CSMD3: variants seen among roughly 807,000 people sequenced by gnomAD.
The protein encoded by CSMD3 is CUB and sushi domain-containing protein 3.
In CSMD3, 177 loss-of-function variants were observed where a neutral mutation model predicts 435.2. That is an observed-to-expected ratio of 0.41 (90% CI 0.36 to 0.46). CSMD3 has a LOEUF of 0.46. Among genes scored for constraint, CSMD3 ranks in the 20% least tolerant of loss-of-function variants. The pLI is 0.34. For synonymous variants in CSMD3, 1,656 were observed against 1,520.5 expected (o/e 1.09, Z -2.07); for missense variants, 4,265 against 4,504.6 (o/e 0.95, Z 1.52).
intron 30 of CSMD3, among the ~76,000 whole-genome samples, chr8:112,499,744 G>A (rs1821747458): frequency 6.6e-6 from 1 of 152,118 alleles, no homozygotes; most frequent in Non-Finnish European, 1.5e-5. Context: ...TGATAAATCT[G>A]TACATATCAA....
chr8:112,985,233 T>A (rs1217175525), intron 6 of CSMD3, among the ~76,000 whole-genome samples: 1 of 152,028 alleles, frequency 6.6e-6, no homozygotes, highest in Admixed American at 6.6e-5. Flanking sequence ...ATGAGCAGAT[T>A]TTCCCTGATA....
chr8:112,947,040 A>G (rs973492282), intron 9 of CSMD3, among the ~76,000 whole-genome samples: 2 of 151,700 alleles, frequency 1.3e-5, no homozygotes, highest in African/African-American at 4.8e-5. Context: ...CATTAGCATA[A>G]ATAATTGAAA....
chr8:112,811,695 T>C (rs771677848), intron 12 of CSMD3, among the ~76,000 whole-genome samples: 4 of 152,250 alleles, frequency 2.6e-5, no homozygotes, highest in Non-Finnish European at 5.9e-5. Context: ...AGATTGCCTC[T>C]GATGCAGATC....
intron 32 of CSMD3, among the ~76,000 whole-genome samples, chr8:112,439,137 TTTTGTTTTG>T (rs1379100329): frequency 1.3e-5 from 2 of 152,174 alleles, no homozygotes; most frequent in Non-Finnish European, 2.9e-5. Context: ...TGTGATATAC[TTTTGTTTTG>T]TTTGTTTTGT....
intron 59 of CSMD3, among the ~76,000 whole-genome samples, chr8:112,271,512 A>G (rs914962315): frequency 6.6e-6 from 1 of 152,116 alleles, no homozygotes; most frequent in Admixed American, 6.5e-5. Context: ...TAAATGGAGA[A>G]AAGTACAGAA....
chr8:113,017,755 T>C (rs897686557), intron 6 of CSMD3, among the ~76,000 whole-genome samples: 7 of 152,058 alleles, frequency 4.6e-5, no homozygotes, highest in Admixed American at 3.9e-4. Context: ...CTTTTAGAAA[T>C]TGAAATTGGG....
intron 27 of CSMD3, among the ~76,000 whole-genome samples, chr8:112,541,745 A>C (rs948658843): frequency 6.6e-6 from 1 of 151,926 alleles, no homozygotes; most frequent in Non-Finnish European, 1.5e-5. Context: ...AAAACAAAAC[A>C]AAACCAAAAA....
chr8:112,764,355 C>A (rs1229792776), intron 13 of CSMD3, among the ~76,000 whole-genome samples: 13 of 149,766 alleles, frequency 8.7e-5, no homozygotes, highest in African/African-American at 2.0e-4. Context: ...AAAATTAGAA[C>A]AAAGTAAAGA....
At chr8:113,138,300 T>TA (rs1033691180) in intron 4 of CSMD3, among the ~76,000 whole-genome samples, 1 of 151,478 alleles carries the variant, frequency 6.6e-6, no homozygotes, top group East Asian at 1.9e-4. Flanking sequence ...TAGTTGTAAC[T>TA]AAAAAAATTG....
At chr8:112,793,047 T>C (rs2078730058) in intron 13 of CSMD3, among the ~76,000 whole-genome samples, 1 of 151,056 alleles carries the variant, frequency 6.6e-6, no homozygotes, top group Non-Finnish European at 1.5e-5. Context: ...TTAATTTTTC[T>C]CATGATTTGA....
intron 1 of CSMD3, among the ~76,000 whole-genome samples, chr8:113,390,181 T>C (rs1436884393): frequency 6.6e-6 from 1 of 151,830 alleles, no homozygotes; most frequent in Admixed American, 6.6e-5. Flanking sequence ...TTTGAGACAA[T>C]ACATGAGGTG....
chr8:113,315,907 C>T (rs973467552), intron 1 of CSMD3, among the ~76,000 whole-genome samples: 4 of 151,582 alleles, frequency 2.6e-5, no homozygotes, highest in African/African-American at 7.3e-5. Flanking sequence ...GTAGTTGAGA[C>T]GGGGTTTCAC....
intron 3 of CSMD3, among the ~76,000 whole-genome samples, chr8:113,254,081 AC>A (rs1253693151): frequency 6.6e-6 from 1 of 152,172 alleles, no homozygotes; most frequent in Non-Finnish European, 1.5e-5. Flanking sequence ...TATTTAGAAC[AC>A]AAAAATATTT....
intron 1 of CSMD3, among the ~76,000 whole-genome samples, chr8:113,422,103 C>T (rs547538913): frequency 1.8e-4 from 28 of 152,268 alleles, no homozygotes; most frequent in African/African-American, 4.1e-4. Flanking sequence ...CTGCCACTGT[C>T]CCCCTTCTCA....
intron 64 of CSMD3, among the ~76,000 whole-genome samples, chr8:112,245,048 C>T (rs1331872374): frequency 6.6e-6 from 1 of 151,860 alleles, no homozygotes; most frequent in African/African-American, 2.4e-5. Flanking sequence ...AATCTATTTT[C>T]TATTGTTAAA....
chr8:112,993,495 C>T (rs752816306), intron 6 of CSMD3, among the ~76,000 whole-genome samples: 6 of 151,764 alleles, frequency 4.0e-5, no homozygotes, highest in Admixed American at 6.6e-5. Flanking sequence ...ATGAGAGACA[C>T]GCATTTCTTG....
chr8:113,226,463 T>C (rs2093030183), intron 3 of CSMD3, among the ~76,000 whole-genome samples: 1 of 151,548 alleles, frequency 6.6e-6, no homozygotes, highest in Non-Finnish European at 1.5e-5. Context: ...AGATGGCATG[T>C]ATGAGTATGT....
At chr8:112,670,238 C>T (rs2075625165) in intron 16 of CSMD3, among the ~76,000 whole-genome samples, 1 of 152,120 alleles carries the variant, frequency 6.6e-6, no homozygotes, top group South Asian at 2.1e-4. Flanking sequence ...AGCAACATCA[C>T]ATGCAAATGC....
chr8:112,806,198 T>C (rs1429966882), intron 12 of CSMD3, among the ~76,000 whole-genome samples: 4 of 152,222 alleles, frequency 2.6e-5, no homozygotes, highest in African/African-American at 9.6e-5. Flanking sequence ...ATTTGGTCAG[T>C]AGAATCTGAA....
Sources: gnomAD v4.1 joint callset for allele counts (sites outside exome capture counted in the v4.1 genomes callset) on GRCh38, gnomAD v4.1.1 for gene constraint, MANE v1.5 for transcripts, NCBI Gene and HGNC (gene_info 2026-07-23, HGNC 2026-07-21) for gene names.